DPYD: variants seen among roughly 807,000 people sequenced by gnomAD.
The protein encoded by DPYD is dihydropyrimidine dehydrogenase, also known as dihydropyrimidine dehydrogenase [NADP(+)].
Under a neutral mutation model 116.2 loss-of-function variants are expected in DPYD, and 109 were observed. That is an observed-to-expected ratio of 0.94 (90% CI 0.80 to 1.10). DPYD has a LOEUF of 1.10. Among genes scored for constraint, DPYD ranks in the 50% least tolerant of loss-of-function variants. DPYD has a pLI of 0.00. For missense variants in DPYD, 1,302 were observed against 1,254.5 expected (o/e 1.04, Z -0.57); for synonymous variants, 440 against 432.0 (o/e 1.02, Z -0.23).
At chr1:97,508,438 A>G (rs1647522697) in intron 13 of DPYD, among the ~76,000 whole-genome samples, 1 of 152,054 alleles carries the variant, frequency 6.6e-6, no homozygotes, top group African/African-American at 2.4e-5. Flanking sequence ...TTCTGATGAC[A>G]GCAGATTCAC....
chr1:97,915,255 T>C (rs1674156700), intron 1 of DPYD, among the ~76,000 whole-genome samples: 1 of 152,128 alleles, frequency 6.6e-6, no homozygotes, highest in East Asian at 1.9e-4. Context: ...AAATACAATG[T>C]TTTCTTTTTG....
intron 4 of DPYD, among the ~76,000 whole-genome samples, chr1:97,739,282 T>C (rs941603909): frequency 6.6e-6 from 1 of 152,108 alleles, no homozygotes; most frequent in Admixed American, 6.6e-5. Context: ...TTAGACATTT[T>C]CACATAAAAA....
intron 19 of DPYD, among the ~76,000 whole-genome samples, chr1:97,194,573 C>T (rs868186839): frequency 4.6e-5 from 7 of 151,988 alleles, no homozygotes; most frequent in Admixed American, 2.0e-4. Flanking sequence ...AGCGCGATCT[C>T]GGCTCACTGT....
intron 19 of DPYD, among the ~76,000 whole-genome samples, chr1:97,207,558 C>T (rs1489125525): frequency 6.6e-6 from 1 of 151,950 alleles, no homozygotes; most frequent in Non-Finnish European, 1.5e-5. Flanking sequence ...TATGATAGTC[C>T]CCTTTAACAC....
At chr1:97,546,832 G>A (rs1350403957) in intron 12 of DPYD, 9 of 1,612,352 alleles carry the variant, frequency 5.6e-6, no homozygotes, top group Non-Finnish European at 7.6e-6. Flanking sequence ...GGAAGTTCAT[G>A]AGGCCAAGCC....
intron 18 of DPYD, among the ~76,000 whole-genome samples, chr1:97,259,193 T>C (rs1359196531): frequency 1.3e-5 from 2 of 152,078 alleles, no homozygotes; most frequent in Non-Finnish European, 2.9e-5. Flanking sequence ...ATTCTATAAA[T>C]GCCTTATTTA....
At chr1:97,441,036 A>G (rs560267129) in intron 14 of DPYD, among the ~76,000 whole-genome samples, 15 of 152,240 alleles carry the variant, frequency 9.9e-5, no homozygotes, top group African/African-American at 3.6e-4. Context: ...TGTTTCTGAC[A>G]ATTAATCACA....
At chr1:97,759,582 T>C (rs1446820427) in intron 3 of DPYD, among the ~76,000 whole-genome samples, 4 of 152,172 alleles carry the variant, frequency 2.6e-5, no homozygotes, top group Non-Finnish European at 4.4e-5. Flanking sequence ...TGTTTATTAT[T>C]GTGTAGAAAC....
In DPYD at chr1:97,457,271, T is replaced by C. The variant is rs1676739790; in HGVS notation, c.1741-7048A>G. On this transcript the variant is annotated intron_variant, in intron 13 of 22. Coordinates refer to ENST00000370192, the MANE Select transcript of DPYD (RefSeq NM_000110.4). ...GTTTTACTCACATATTCTCCAGTGC[T>C]CACCCAACACCAAATGTTCCTCACC... Among the ~76,000 whole-genome samples the C allele has an allele frequency of 3.3e-5, 5 of 152,130 alleles. No homozygotes were observed. In the South Asian group the frequency reaches 1.0e-3, roughly 31 times the overall value.
chr1:97,242,973 T>A, intron 18 of DPYD, among the ~76,000 whole-genome samples: 1 of 151,878 alleles, frequency 6.6e-6, no homozygotes, highest in East Asian at 1.9e-4. Flanking sequence ...TGTAGCAAAT[T>A]GGAACGAACA....
At chr1:97,456,055 T>C (rs936302499) in intron 13 of DPYD, among the ~76,000 whole-genome samples, 2 of 151,856 alleles carry the variant, frequency 1.3e-5, no homozygotes, top group Admixed American at 6.6e-5. Context: ...ATTTTAGATA[T>C]GTATAGCACA....
chr1:97,514,623 T>A (rs1648063509), intron 13 of DPYD, among the ~76,000 whole-genome samples: 1 of 151,894 alleles, frequency 6.6e-6, no homozygotes, highest in Non-Finnish European at 1.5e-5. Flanking sequence ...GCTTCACACT[T>A]TGTTTAATAA....
intron 8 of DPYD, among the ~76,000 whole-genome samples, chr1:97,672,121 T>C (rs1659902982): frequency 6.6e-6 from 1 of 151,912 alleles, no homozygotes. Context: ...TTCAGAGGTC[T>C]CTAAAATAGA....
At chr1:97,470,900 G>A (rs544106243) in intron 13 of DPYD, among the ~76,000 whole-genome samples, 2 of 152,156 alleles carry the variant, frequency 1.3e-5, no homozygotes, top group African/African-American at 4.8e-5. Flanking sequence ...TGAGGCAGGA[G>A]AATAGCTTGA....
chr1:97,168,511 G>C (rs896484764), intron 20 of DPYD, among the ~76,000 whole-genome samples: 1 of 152,194 alleles, frequency 6.6e-6, no homozygotes. Context: ...AGAGTTGGGT[G>C]AAAATTGTTA....
At chr1:97,841,595 C>T (rs1213010143) in intron 2 of DPYD, among the ~76,000 whole-genome samples, 4 of 151,930 alleles carry the variant, frequency 2.6e-5, no homozygotes, top group East Asian at 1.9e-4. Flanking sequence ...GAATGATAAT[C>T]GCCTCATTGC....
At chr1:97,199,781 C>T (rs1333575250) in intron 19 of DPYD, among the ~76,000 whole-genome samples, 1 of 152,042 alleles carries the variant, frequency 6.6e-6, no homozygotes, top group Non-Finnish European at 1.5e-5. Context: ...AGGATGATAA[C>T]ATCTTATTGT....
At chr1:97,482,087 T>C (rs1678350237) in intron 13 of DPYD, among the ~76,000 whole-genome samples, 1 of 152,304 alleles carries the variant, frequency 6.6e-6, no homozygotes, top group Non-Finnish European at 1.5e-5. Flanking sequence ...CAAAGTATAT[T>C]ATATGTCAAC....
intron 19 of DPYD, among the ~76,000 whole-genome samples, chr1:97,202,890 C>G (rs893698266): frequency 2.0e-5 from 3 of 152,188 alleles, no homozygotes; most frequent in Non-Finnish European, 4.4e-5. Context: ...ACAGGTACAA[C>G]ATGTAGGGCC....
Sources: allele counts gnomAD v4.1 joint callset (sites outside exome capture counted in the v4.1 genomes callset), GRCh38; gene constraint gnomAD v4.1.1; transcripts MANE v1.5; gene names NCBI Gene and HGNC (gene_info 2026-07-23, HGNC 2026-07-21).